Variants in BCAS3 observed in about 807,000 individuals in gnomAD.
BCAS3 encodes BCAS4/BCAS3 fusion.
Under a neutral mutation model 116.1 loss-of-function variants are expected in BCAS3, and 53 were observed. The observed-to-expected ratio is 0.46, with a 90% CI of 0.37 to 0.57. The LOEUF is 0.57. Among genes scored for constraint, BCAS3 ranks in the 20% least tolerant of loss-of-function variants. The pLI, the probability that BCAS3 is intolerant of heterozygous loss-of-function variation, is 0.00. For synonymous variants in BCAS3, 391 were observed against 408.2 expected (o/e 0.96, Z 0.51); for missense variants, 917 against 1,165.4 (o/e 0.79, Z 3.10).
intron 22 of BCAS3, among the ~76,000 whole-genome samples, chr17:61,254,777 G>GA (rs61471068): frequency 8.2e-5 from 6 of 73,532 alleles, no homozygotes; most frequent in East Asian, 4.6e-4. Context: ...CTCCGTCTCA[G>GA]AAAAAAAAAA....
intron 19 of BCAS3, among the ~76,000 whole-genome samples, chr17:61,067,657 A>C (rs1817747512): frequency 6.7e-6 from 1 of 150,048 alleles, no homozygotes; most frequent in Non-Finnish European, 1.5e-5. Context: ...CGGAGGCTGC[A>C]GTGAGCTGAG....
chr17:60,977,488 CTTTT>C (rs897936960), intron 14 of BCAS3, among the ~76,000 whole-genome samples: 1 of 149,306 alleles, frequency 6.7e-6, no homozygotes, highest in African/African-American at 2.5e-5. Flanking sequence ...GAAGCACTTT[CTTTT>C]TATTATTATT....
chr17:61,342,778 G>C (rs2057258914), intron 22 of BCAS3, among the ~76,000 whole-genome samples: 2 of 145,242 alleles, frequency 1.4e-5, no homozygotes, highest in Admixed American at 7.0e-5. Flanking sequence ...GTGAGATAAA[G>C]TCTCCCTCTG....
chr17:60,846,993 C>T (rs2052597654), intron 7 of BCAS3, among the ~76,000 whole-genome samples: 1 of 152,164 alleles, frequency 6.6e-6, no homozygotes, highest in Non-Finnish European at 1.5e-5. Flanking sequence ...CTTCCTCCAG[C>T]CACTGGCAAC....
chr17:61,002,981 ATAATT>A (rs2064360934), intron 15 of BCAS3, among the ~76,000 whole-genome samples: 1 of 152,054 alleles, frequency 6.6e-6, no homozygotes, highest in Admixed American at 6.5e-5. Flanking sequence ...AGTCAAAAAT[ATAATT>A]TTATAGTGAA....
At chr17:61,303,290 C>T (rs965122209) in intron 22 of BCAS3, among the ~76,000 whole-genome samples, 2 of 152,172 alleles carry the variant, frequency 1.3e-5, no homozygotes, top group Non-Finnish European at 2.9e-5. Flanking sequence ...ATAAAATAGT[C>T]CCTCATCTAT....
chr17:60,796,858 C>G (rs768084543), intron 6 of BCAS3, among the ~76,000 whole-genome samples: 1 of 152,120 alleles, frequency 6.6e-6, no homozygotes, highest in Non-Finnish European at 1.5e-5. Flanking sequence ...GGGCTGTGAA[C>G]TTTCCTCTTA....
At chr17:61,150,205 C>A (rs539836876) in intron 22 of BCAS3, among the ~76,000 whole-genome samples, 1 of 152,310 alleles carries the variant, frequency 6.6e-6, no homozygotes, top group African/African-American at 2.4e-5. Context: ...AGATTGCTTA[C>A]TGTGGCTGTT....
intron 22 of BCAS3, among the ~76,000 whole-genome samples, chr17:61,165,731 T>TA (rs568956122): frequency 1.9e-4 from 29 of 152,246 alleles, no homozygotes; most frequent in African/African-American, 5.3e-4. Context: ...AACTATTTTT[T>TA]AAAAAAATAC....
chr17:61,183,128 G>A (rs1475042527), intron 22 of BCAS3, among the ~76,000 whole-genome samples: 1 of 152,046 alleles, frequency 6.6e-6, no homozygotes, highest in African/African-American at 2.4e-5. Flanking sequence ...TTTAAAATTT[G>A]CCATTAAACA....
intron 23 of BCAS3, among the ~76,000 whole-genome samples, chr17:61,371,772 C>T (rs143836827): frequency 4.6e-5 from 7 of 152,262 alleles, no homozygotes; most frequent in African/African-American, 1.7e-4. Context: ...CGTAGCCAGG[C>T]GCCGGTGAGA....
chr17:60,691,034 G>GTGA (rs1425146981), intron 4 of BCAS3, among the ~76,000 whole-genome samples: 1 of 152,096 alleles, frequency 6.6e-6, no homozygotes, highest in Non-Finnish European at 1.5e-5. Flanking sequence ...CTGGGTTCAG[G>GTGA]TGATTCTCCT....
Position 61,211,978 on chromosome 17 carries a change from G to T in BCAS3, c.2425+127414G>T, listed in dbSNP as rs550259608. 3.9e-5 allele frequency among the ~76,000 whole-genome samples: 6 copies of T among 152,338 alleles called. No individual in the cohort carries two copies. The East Asian group carries it at 9.6e-4, about 24-fold the overall frequency. ...GGAAACTTGTTTCATTGAAGAGTCT[G>T]AATATTTTGTAAGGATGTGAAGAGT... On this transcript the variant is annotated intron_variant, in intron 22 of 23. Transcript: ENST00000407086. This position sits in a 1 kb window ranked among gnomAD's most constrained non-coding sequence, Gnocchi z 4.4.
At chr17:60,852,125 A>T (rs922474534) in intron 7 of BCAS3, among the ~76,000 whole-genome samples, 2 of 150,636 alleles carry the variant, frequency 1.3e-5, no homozygotes, top group African/African-American at 2.5e-5. Flanking sequence ...AATTACTTCT[A>T]TTCCCGTGGT....
chr17:60,728,876 A>G (rs527450289), intron 5 of BCAS3, among the ~76,000 whole-genome samples: 1 of 152,338 alleles, frequency 6.6e-6, no homozygotes, highest in East Asian at 1.9e-4. Context: ...GTGTTTGTAT[A>G]TATGTGTGTT....
At chr17:61,074,357 TA>T (rs2071747154) in intron 19 of BCAS3, among the ~76,000 whole-genome samples, 1 of 152,170 alleles carries the variant, frequency 6.6e-6, no homozygotes, top group Admixed American at 6.5e-5. Flanking sequence ...AGGAACTCAG[TA>T]AATATTTTTG....
chr17:61,341,874 G>A (rs3785848), intron 22 of BCAS3, among the ~76,000 whole-genome samples: 107,480 of 152,156 alleles, frequency 0.71, 38,396 homozygotes, highest in Non-Finnish European at 0.76. Context: ...GATTTGGATA[G>A]CAATTTTTGG....
rs144729927 is a variant in BCAS3 at position 60,692,487 on chromosome 17, C to T, written c.214+2726C>T. On this transcript the variant is annotated intron_variant, in intron 4 of 23. Transcript: ENST00000407086. The stretch of plus-strand genomic sequence containing the variant: ...TCGATCTCCTGACCTCGTGATCCGC[C>T]CGTCTTGGCCTCCCAAAGTGCTGGG... 8.5e-5 allele frequency among the ~76,000 whole-genome samples: 13 copies of T among 152,204 alleles called. No individual in the cohort carries two copies. The East Asian group carries it at 2.5e-3, about 29-fold the overall frequency.
At chr17:61,212,557 T>A (rs2081524866) in intron 22 of BCAS3, among the ~76,000 whole-genome samples, 1 of 148,612 alleles carries the variant, frequency 6.7e-6, no homozygotes, top group African/African-American at 2.5e-5. Context: ...TATATATATA[T>A]AAAAACTATA....
Sources: allele counts gnomAD v4.1 joint callset (sites outside exome capture counted in the v4.1 genomes callset), GRCh38; gene constraint gnomAD v4.1.1; non-coding constraint Gnocchi (gnomAD v3.1); transcripts MANE v1.5; gene names NCBI Gene and HGNC (gene_info 2026-07-23, HGNC 2026-07-21).